ZNF451: variants seen among roughly 807,000 people sequenced by gnomAD.
ZNF451 encodes the protein zinc finger protein 451, also known as E3 SUMO-protein ligase ZNF451.
Under a neutral mutation model 107.1 loss-of-function variants are expected in ZNF451, and 80 were observed. The observed-to-expected ratio is 0.75, with a 90% confidence interval of 0.62 to 0.90. ZNF451 has a LOEUF of 0.90. Ranked by LOEUF, ZNF451 falls within the 40% of genes least tolerant of loss-of-function variation. The probability of loss-of-function intolerance (pLI) is 0.00; values close to 1 mark genes in which losing one functional copy is unlikely to be tolerated. For synonymous variants in ZNF451, 362 were observed against 406.5 expected, an observed-to-expected ratio of 0.89 and a Z score of 1.32; for missense variants, 1,107 against 1,236.2, an observed-to-expected ratio of 0.90 and a Z score of 1.57.
At chr6:57,095,345 T>TTTTA (rs1829241531) in intron 2 of ZNF451, among the ~76,000 whole-genome samples, 2 of 149,952 alleles carry the variant, frequency 1.3e-5, no homozygotes, top group Admixed American at 6.6e-5. Context: ...TTTTTTTTTT[T>TTTTA]TTTTAAAGAG....
chr6:57,118,215 CTT>C (rs796159711), intron 3 of ZNF451, among the ~76,000 whole-genome samples: 1 of 145,534 alleles, frequency 6.9e-6, no homozygotes. Context: ...TCATTACTGT[CTT>C]TTTTTTTTTG....
At chr6:57,142,896 CATTTT>C (rs1009576682) in intron 9 of ZNF451, among the ~76,000 whole-genome samples, 5 of 152,124 alleles carry the variant, frequency 3.3e-5, no homozygotes, top group Non-Finnish European at 5.9e-5. Context: ...TCTTGTGTCT[CATTTT>C]AGTTTATTAT....
At position 57,128,807 on chromosome 6, in the gene ZNF451, A is replaced by C. The variant is rs1379388054; in HGVS notation, c.391A>C (p.Arg131=). ...AGGACATTCTGATACAGAAGCAGCA[A>C]GACTGTGTGTGGACCAGTGGCTAAA... ...IRGHSDTEAA[R]LCVDQWLKMP... is the part of the protein sequence containing the mutation. The change falls in exon 5 of 15, where the codon AGA becomes CGA. Residue 131 remains arginine, a synonymous_variant. Coordinates refer to ENST00000370706, the MANE Select transcript of ZNF451 (RefSeq NM_001031623.3). 6.2e-7 allele frequency: 1 copy of C among 1,613,074 alleles called. No individual in the cohort carries two copies. Among genetic ancestry groups the C allele is most frequent in the South Asian group, 1.1e-5 (1 of 90,972 alleles).
At chr6:57,157,111 T>C (rs1295980953) in intron 13 of ZNF451, among the ~76,000 whole-genome samples, 1 of 152,150 alleles carries the variant, frequency 6.6e-6, no homozygotes, top group Non-Finnish European at 1.5e-5. Flanking sequence ...AGGCTAGTGA[T>C]TTTTCAGATT....
chr6:57,152,105 G>T (rs1408183469), intron 11 of ZNF451, 116 bp from the exon 12 acceptor site: 13 of 881,110 alleles, frequency 1.5e-5, no homozygotes, highest in Non-Finnish European at 2.2e-5. Context: ...TCCACATTCT[G>T]ATCTAGTACT....
intron 7 of ZNF451, among the ~76,000 whole-genome samples, chr6:57,137,926 A>G (rs1831513069): frequency 6.6e-6 from 1 of 152,210 alleles, no homozygotes; most frequent in Admixed American, 6.5e-5. Flanking sequence ...AGCATGTATC[A>G]GTACTTCATT....
chr6:57,101,384 T>G, intron 3 of ZNF451: 3 of 1,550,700 alleles, frequency 1.9e-6, no homozygotes, highest in Non-Finnish European at 2.6e-6. Context: ...CCTTCTTCCT[T>G]CATGGGACAC....
At chr6:57,104,831 C>T in intron 3 of ZNF451, 2 of 985,326 alleles carry the variant, frequency 2.0e-6, no homozygotes, top group Non-Finnish European at 2.4e-6. Flanking sequence ...TCTCCAGATA[C>T]TCTGTTTTCC....
Position 57,140,032 on chromosome 6 carries a change from TAAAG to T in ZNF451, c.703-1267_703-1264del, listed in dbSNP as rs768400101. On this transcript the variant is annotated intron_variant, in intron 7 of 14. Coordinates refer to ENST00000370706, the MANE Select transcript of ZNF451 (RefSeq NM_001031623.3). ...AGTGAGCTCGTGTCTCAAAAATAAA[TAAAG>T]AAGACTATAAACAAAATAGATATTT... 1.1e-3 allele frequency among the ~76,000 whole-genome samples: 170 copies of T among 151,444 alleles called. 1 individual carries two copies. The highest frequency in any genetic ancestry group is 2.0e-3 in the Non-Finnish European group (137 of 67,810).
At chr6:57,138,678 T>A (rs1831560233) in intron 7 of ZNF451, among the ~76,000 whole-genome samples, 1 of 142,440 alleles carries the variant, frequency 7.0e-6, no homozygotes, top group African/African-American at 2.6e-5. Context: ...CTTTTCCCAG[T>A]TTGTAGAATG....
intron 7 of ZNF451, among the ~76,000 whole-genome samples, chr6:57,137,994 A>G (rs1359057286): frequency 1.3e-5 from 2 of 152,196 alleles, no homozygotes; most frequent in Non-Finnish European, 1.5e-5. Context: ...TGTATTTAAC[A>G]GTTCATCAGT....
intron 2 of ZNF451, among the ~76,000 whole-genome samples, chr6:57,095,735 G>T (rs1356383344): frequency 6.6e-6 from 1 of 151,856 alleles, no homozygotes; most frequent in African/African-American, 2.4e-5. Flanking sequence ...TTGGTTTAAT[G>T]GTTCACTGCA....
At position 57,154,062 on chromosome 6, in the gene ZNF451, TCA is replaced by T. The variant is rs752020720; in HGVS notation, c.3070+18_3070+19del. ...TACCACCAAAGGTACGCAGCTGCAG[TCA>T]CAGTGCAAACCACCCAAGAGGAGGA... On this transcript the variant is annotated intron_variant, in intron 13 of 14. Coordinates refer to ENST00000370706, the MANE Select transcript of ZNF451 (RefSeq NM_001031623.3). 6.2e-6 allele frequency: 10 copies of T among 1,613,794 alleles called. 1 individual carries two copies. The South Asian group carries it at 1.1e-4, about 18-fold the overall frequency.
In ZNF451 at chr6:57,107,772, A is replaced by C. The variant is rs77289043; in HGVS notation, c.186+8631A>C. On this transcript the variant is annotated intron_variant, in intron 3 of 14. Coordinates refer to ENST00000370706, the MANE Select transcript of ZNF451 (RefSeq NM_001031623.3). The stretch of plus-strand genomic sequence containing the variant: ...GGACTTTGGAGATCTCTCAAGTTGT[A>C]CTGTTTTCTAGTATTCCTGAGTATA... 17 of 984,470 alleles carry C rather than the reference A, an allele frequency of 1.7e-5. No individual in the cohort carries two copies. In the Admixed American group the frequency reaches 8.7e-4, roughly 50 times the overall value. The allele number at this position is 984,470 out of a possible 1,614,324, so 61.0% of individuals were successfully genotyped here.
At chr6:57,092,158 G>A (rs543802556) in intron 2 of ZNF451, among the ~76,000 whole-genome samples, 2 of 152,214 alleles carry the variant, frequency 1.3e-5, no homozygotes, top group African/African-American at 4.8e-5. Context: ...TTCTTATGGT[G>A]TTTAGTAGAA....
chr6:57,104,451 CTA>C (rs1345347702), intron 3 of ZNF451: 1 of 985,232 alleles, frequency 1.0e-6, no homozygotes, highest in Non-Finnish European at 1.2e-6. Context: ...GAATTAGATG[CTA>C]TGTCATAAAC....
chr6:57,169,599 A>G lies in ZNF451; in HGVS notation c.*1130A>G, dbSNP rs1408026556. ...TAAAGCTTTTCTTTATATTTAAGAC[A>G]AAATATAAAGGCTAGAATTTGGTTC... On this transcript the variant is annotated 3_prime_UTR_variant, in exon 15 of 15. Transcript: ENST00000370706. The G allele has an allele frequency of 6.6e-6, 1 of 152,188 alleles. No individual in the cohort carries two copies. Among genetic ancestry groups the G allele is most frequent in the Non-Finnish European group, 1.5e-5 (1 of 68,016 alleles). The allele number at this position is 152,188 out of a possible 1,614,324, so 9.4% of individuals were successfully genotyped here.
At chr6:57,121,064 G>C (rs1830614632) in intron 3 of ZNF451, among the ~76,000 whole-genome samples, 1 of 152,108 alleles carries the variant, frequency 6.6e-6, no homozygotes, top group Non-Finnish European at 1.5e-5. Flanking sequence ...TTTGTGAAGG[G>C]TGTAAGGTCA....
At chr6:57,162,780 G>A (rs1763723599) in intron 14 of ZNF451, among the ~76,000 whole-genome samples, 1 of 152,096 alleles carries the variant, frequency 6.6e-6, no homozygotes, top group South Asian at 2.1e-4. Context: ...AGCTAACCTA[G>A]GAAATCTGAG....
Sources: gnomAD v4.1 joint callset for allele counts (sites outside exome capture counted in the v4.1 genomes callset) on GRCh38, gnomAD v4.1.1 for gene constraint, MANE v1.5 for transcripts, NCBI Gene and HGNC (gene_info 2026-07-23, HGNC 2026-07-21) for gene names.